Variants in LEPR observed in about 807,000 individuals in gnomAD.
The protein encoded by LEPR is leptin receptor.
A neutral mutation model predicts 114.7 loss-of-function variants in LEPR; 56 were observed. The ratio of observed to expected loss-of-function variants is 0.49; its 90% CI spans 0.39 to 0.61. The LOEUF (loss-of-function observed/expected upper bound fraction) is 0.61. LEPR is among the 20% of genes least tolerant of loss of function. LEPR has a pLI of 0.00. For synonymous variants in LEPR, 443 were observed against 461.4 expected, an observed-to-expected ratio of 0.96 and a Z score of 0.51; for missense variants, 1,202 against 1,352.9, an observed-to-expected ratio of 0.89 and a Z score of 1.75.
chr1:65,531,283 C>G (rs776769770), intron 2 of LEPR, among the ~76,000 whole-genome samples: 6 of 152,134 alleles, frequency 3.9e-5, no homozygotes, highest in Non-Finnish European at 7.3e-5. Flanking sequence ...CCACATGGTT[C>G]GCTTTGTTAC....
chr1:65,510,175 G>T (rs1648958011), intron 2 of LEPR, among the ~76,000 whole-genome samples: 1 of 152,146 alleles, frequency 6.6e-6, no homozygotes, highest in Admixed American at 6.5e-5. Context: ...GTGATTTTAG[G>T]GTTCCCGAAG....
At chr1:65,573,515 C>T (rs1654358346) in intron 5 of LEPR, among the ~76,000 whole-genome samples, 1 of 152,198 alleles carries the variant, frequency 6.6e-6, no homozygotes. Context: ...TAGCCATATA[C>T]TTATAACTCA....
chr1:65,429,047 C>T (rs896328991), intron 2 of LEPR, among the ~76,000 whole-genome samples: 19 of 151,952 alleles, frequency 1.3e-4, no homozygotes, highest in African/African-American at 4.6e-4. Flanking sequence ...TCATTCTAGG[C>T]CCTGGAGATA....
Position 65,598,690 on chromosome 1 carries a change from C to A in LEPR, c.880C>A (p.Leu294Ile). ...ADKIVSATSL[L>I]VDSILPGSSY... Reference sequence around the variant, plus strand: ...CAAGATTGTCTCAGCTACATCCCTGCTAGTAGACAGTATACTTCCTGGGTC... The same window carrying A: ...CAAGATTGTCTCAGCTACATCCCTGATAGTAGACAGTATACTTCCTGGGTC... Residue 294 changes from leucine (L) to isoleucine (I), a missense_variant, in exon 8 of 20, where the codon CTA becomes ATA. Transcript: ENST00000349533. 1 of 1,613,430 alleles carries A rather than the reference C, an allele frequency of 6.2e-7. No individual in the cohort carries two copies. Among genetic ancestry groups the A allele is most frequent in the South Asian group, 1.1e-5 (1 of 91,064 alleles).
chr1:65,602,199 A>G (rs927473637), intron 10 of LEPR, among the ~76,000 whole-genome samples: 5 of 152,120 alleles, frequency 3.3e-5, no homozygotes, highest in Admixed American at 6.5e-5. Context: ...CTGAAAATCA[A>G]TCAATTCTGA....
At chr1:65,497,523 G>T (rs1648227559) in intron 2 of LEPR, among the ~76,000 whole-genome samples, 1 of 152,142 alleles carries the variant, frequency 6.6e-6, no homozygotes, top group African/African-American at 2.4e-5. Flanking sequence ...TTACATGAAT[G>T]TCAGGGTCTG....
chr1:65,598,920 T>A (rs1189066386), intron 8 of LEPR, 116 bp downstream of exon 8: 1 of 1,473,850 alleles, frequency 6.8e-7, no homozygotes, highest in Non-Finnish European at 9.2e-7. Flanking sequence ...GAACACAGTA[T>A]CAACTTCCTT....
Position 65,608,630 on chromosome 1 carries a change from G to A in LEPR, c.1604-123G>A, listed in dbSNP as rs976092355. 9.9e-6 allele frequency: 11 copies of A among 1,107,648 alleles called. No homozygotes were observed. In the African/African-American group the frequency reaches 1.4e-4, roughly 14 times the overall value. 68.6% of individuals were successfully genotyped at this position (1,107,648 alleles called of 1,614,324 possible). On this transcript the variant is annotated intron_variant, in intron 11 of 19. Transcript: ENST00000349533. ...AATAGGGAAACAAATGAGATAATGA[G>A]TGAGAAAGTTATGAAGAAGATATTG...
At chr1:65,518,947 CTTCT>C (rs1209954134) in intron 2 of LEPR, among the ~76,000 whole-genome samples, 3 of 131,376 alleles carry the variant, frequency 2.3e-5, no homozygotes, top group Non-Finnish European at 3.3e-5. Flanking sequence ...CTTTCTCTTT[CTTCT>C]TTCTTCTTTT....
chr1:65,570,690 T>C lies in LEPR; in HGVS notation c.258T>C (p.Thr86=), dbSNP rs1654091945. The C allele has an allele frequency of 6.2e-7, 1 of 1,613,768 alleles. No homozygotes were observed. The highest frequency in any genetic ancestry group is 1.3e-5 in the African/African-American group (1 of 74,948). The change falls in exon 4 of 20, where the codon ACT becomes ACC. Residue 86 remains threonine (T), a synonymous_variant. Coordinates refer to ENST00000349533, the MANE Select transcript of LEPR (RefSeq NM_002303.6). ...ACTTTTCTAACTTATCCAAAACAAC[T>C]TTCCACTGTTGCTTTCGGAGTGAGC... ...GTHFSNLSKT[T]FHCCFRSEQD...
chr1:65,461,141 A>C (rs554257621), intron 2 of LEPR, among the ~76,000 whole-genome samples: 1 of 151,224 alleles, frequency 6.6e-6, no homozygotes, highest in South Asian at 2.1e-4. Context: ...ATGCCTGCCA[A>C]ATTTTGTATT....
chr1:65,637,045 T>C lies in LEPR; in HGVS notation c.*30T>C. 6.2e-7 allele frequency: 1 copy of C among 1,601,786 alleles called. No homozygotes were observed. Among genetic ancestry groups the C allele is most frequent in the Non-Finnish European group, 8.5e-7 (1 of 1,172,832 alleles). ...ACTGAAGAAACCTTCAGATTTGTGTTATAATGGGTAATATAAAGTGTAATA... is the reference window on the plus strand; with the variant it reads ...ACTGAAGAAACCTTCAGATTTGTGTCATAATGGGTAATATAAAGTGTAATA... On this transcript the variant is annotated 3_prime_UTR_variant, in exon 20 of 20. Transcript: ENST00000349533.
At position 65,601,687 on chromosome 1, in the gene LEPR, G is replaced by A; in HGVS notation, c.1285+5G>A. On this transcript the variant is annotated splice_donor_5th_base_variant and intron_variant, in intron 9 of 19. Transcript: ENST00000349533. ...ATGCTGAATTATATGTGATTGGTAAGAAAACAGAGGTTTTGTTCATTTTGT... is the reference window on the plus strand; with the variant it reads ...ATGCTGAATTATATGTGATTGGTAAAAAAACAGAGGTTTTGTTCATTTTGT... 6.2e-7 allele frequency: 1 copy of A among 1,613,478 alleles called. No homozygotes were observed. The highest frequency in any genetic ancestry group is 8.5e-7 in the Non-Finnish European group (1 of 1,179,630).
Position 65,636,989 on chromosome 1 carries a change from A to G in LEPR, c.3472A>G (p.Asn1158Asp). ...TACTCAGACTCATAAGATCATGGAA[A>G]ACAAGATGTGTGACCTAACTGTGTA... ...CSTQTHKIME[N>D]KMCDLTV The change falls in exon 20 of 20, where the codon AAC becomes GAC. Residue 1158 changes from asparagine (N) to aspartate (D), a missense_variant. Transcript: ENST00000349533. 1 of 1,613,688 alleles carries G rather than the reference A, an allele frequency of 6.2e-7. No individual in the cohort carries two copies.
chr1:65,516,705 G>A (rs35660507), intron 2 of LEPR, among the ~76,000 whole-genome samples: 2,229 of 152,278 alleles, frequency 0.015, 25 homozygotes, highest in Middle Eastern at 0.024. Flanking sequence ...AACTCAGTGC[G>A]TAAGAAGGCA....
chr1:65,434,041 T>G (rs1265708562), intron 2 of LEPR: 1 of 985,226 alleles, frequency 1.0e-6, no homozygotes, highest in Non-Finnish European at 1.2e-6. Context: ...TTTTTGTTGC[T>G]TATACACATT....
intron 2 of LEPR, among the ~76,000 whole-genome samples, chr1:65,449,041 C>T (rs1449827544): frequency 2.0e-5 from 3 of 152,050 alleles, no homozygotes; most frequent in South Asian, 2.1e-4. Context: ...TTACAGGTGC[C>T]CACCACCAAG....
At chr1:65,522,122 A>G (rs1373954274) in intron 2 of LEPR, among the ~76,000 whole-genome samples, 1 of 152,214 alleles carries the variant, frequency 6.6e-6, no homozygotes, top group East Asian at 1.9e-4. Flanking sequence ...TATCATGGCC[A>G]AAGCGAGTCA....
At chr1:65,634,651 T>A (rs1460798096) in intron 19 of LEPR, 1 of 977,872 alleles carries the variant, frequency 1.0e-6, no homozygotes, top group Non-Finnish European at 1.2e-6. Context: ...ATGAAATATA[T>A]CAAACACATC....
Sources: allele counts gnomAD v4.1 joint callset (sites outside exome capture counted in the v4.1 genomes callset), GRCh38; gene constraint gnomAD v4.1.1; transcripts MANE v1.5; gene names NCBI Gene and HGNC (gene_info 2026-07-23, HGNC 2026-07-21).